ZSCAN18: variants seen among roughly 807,000 people sequenced by gnomAD.
The protein encoded by ZSCAN18 is zinc finger and SCAN domain-containing protein 18.
A neutral mutation model predicts 31.1 loss-of-function variants in ZSCAN18; 16 were observed. That is an observed-to-expected ratio of 0.51 (90% CI 0.35 to 0.78). ZSCAN18 has a LOEUF of 0.78. Among genes scored for constraint, ZSCAN18 ranks in the 30% least tolerant of loss-of-function variants. The pLI, the probability that ZSCAN18 is intolerant of heterozygous loss-of-function variation, is 0.01. For synonymous variants in ZSCAN18, 375 were observed against 320.7 expected (o/e 1.17, Z -1.81); for missense variants, 731 against 697.4 (o/e 1.05, Z -0.54).
At chr19:58,114,708 TAAAAC>T (rs1321938820) in intron 1 of ZSCAN18, among the ~76,000 whole-genome samples, 1 of 152,158 alleles carries the variant, frequency 6.6e-6, no homozygotes, top group Non-Finnish European at 1.5e-5. Context: ...TACAGGCACA[TAAAAC>T]AAATATGGCA....
rs774710516 is a variant in ZSCAN18 at position 58,084,773 on chromosome 19, C to T, written c.1445G>A (p.Arg482His). The T allele has an allele frequency of 5.1e-6, 8 of 1,573,654 alleles. No individual in the cohort carries two copies. The South Asian group carries it at 6.9e-5, about 14-fold the overall frequency. ...GGARGPQPST[R>H]EAQAGARAGG... ...CGCCCTAGCCCCCGCCTGGGCTTCG[C>T]GGGTGGACGGTTGGGGGCCCCGGGC... Residue 482 changes from arginine (R) to histidine (H), a missense_variant, in exon 7 of 7, where the codon CGC (arginine) becomes CAC (histidine). Around this residue, in one of 4 missense-constraint regions of ZSCAN18, gnomAD observed 597 missense variants for 499.5 expected, o/e 1.20. Coordinates refer to ENST00000601144, the MANE Select transcript of ZSCAN18 (RefSeq NM_001145543.2). The surrounding 1 kb of genome is among the most constrained non-coding windows in gnomAD (Gnocchi z 4.5).
chr19:58,089,955 C>T lies in ZSCAN18; in HGVS notation c.313G>A (p.Val105Ile). The change falls in exon 2 of 7, where the codon GTC becomes ATC. Residue 105 changes from valine (V) to isoleucine (I), a missense_variant. This residue lies in a region of ZSCAN18 where 46 missense variants were observed against 60.6 expected (regional missense o/e 0.76). Transcript: ENST00000601144. Reference sequence around the variant, plus strand: ...TACTGTGCCACCACCCAGGGCCGGACCTTATCAGGCAGGATGCCCAGGAAC... The same window carrying T: ...TACTGTGCCACCACCCAGGGCCGGATCTTATCAGGCAGGATGCCCAGGAAC... The part of the protein sequence containing the change: ...EQFLGILPDK[V>I]RPWVVAQYPE... The T allele has an allele frequency of 6.2e-7, 1 of 1,614,160 alleles. No individual in the cohort carries two copies. Among genetic ancestry groups the T allele is most frequent in the Non-Finnish European group, 8.5e-7 (1 of 1,180,038 alleles).
chr19:58,108,692 T>C, intron 1 of ZSCAN18: 1 of 985,466 alleles, frequency 1.0e-6, no homozygotes, highest in Non-Finnish European at 1.2e-6. Context: ...TTTCCAGAGA[T>C]ACTTCCATTG....
upstream of ZSCAN18, among the ~76,000 whole-genome samples, chr19:58,099,375 G>T (rs894711617): frequency 3.9e-5 from 6 of 152,020 alleles, no homozygotes; most frequent in Non-Finnish European, 7.4e-5. Flanking sequence ...CTTCAGATTG[G>T]CTTTTTCACT....
At position 58,090,460 on chromosome 19, in the gene ZSCAN18, A is replaced by G. The variant is rs990516001; in HGVS notation, c.-119-74T>C. The G allele has an allele frequency of 1.3e-5, 18 of 1,347,160 alleles. No homozygotes were observed. Among genetic ancestry groups the G allele is most frequent in the Middle Eastern group, 2.0e-4 (1 of 4,960 alleles). 83.5% of individuals were successfully genotyped at this position (1,347,160 alleles called of 1,614,324 possible). Reference sequence around the variant, plus strand: ...AGCCACCCCAGCTGCCAGAGAACAAAGACACCACACCCAGAGTTCACACAG... The same window carrying G: ...AGCCACCCCAGCTGCCAGAGAACAAGGACACCACACCCAGAGTTCACACAG... On this transcript the variant is annotated intron_variant, in intron 1 of 6. Transcript: ENST00000601144. This position sits in a 1 kb window ranked among gnomAD's most constrained non-coding sequence, Gnocchi z 4.7.
chr19:58,118,319 C>A, exon 1 of ZSCAN18: 1 of 1,529,862 alleles, frequency 6.5e-7, no homozygotes, highest in South Asian at 1.2e-5. Flanking sequence ...GGAAACAGAC[C>A]CGAGAGGCCG....
At chr19:58,108,183 T>C (rs2146024049) in intron 1 of ZSCAN18, 1 of 986,158 alleles carries the variant, frequency 1.0e-6, no homozygotes, top group Non-Finnish European at 1.2e-6. Context: ...ATAGGGTCTC[T>C]TTCCAATGTG....
rs1287212097 is a variant in ZSCAN18 at position 58,086,246 on chromosome 19, C to T, written c.766G>A (p.Asp256Asn). 1.9e-6 allele frequency: 3 copies of T among 1,613,840 alleles called. No individual in the cohort carries two copies. The highest frequency in any genetic ancestry group is 2.5e-6 in the Non-Finnish European group (3 of 1,179,926). ...TCAGTGTCCAGCCTGGAGGCAGCGTCAGGCTGGGAAAGCTGATACCCTGAG... is the reference window on the plus strand; with the variant it reads ...TCAGTGTCCAGCCTGGAGGCAGCGTTAGGCTGGGAAAGCTGATACCCTGAG... ...LLWGYQLSQPDAASRLDTEEL... is the reference protein window; with the variant it reads ...LLWGYQLSQPNAASRLDTEEL... The change falls in exon 6 of 7, where the codon GAC (aspartate) becomes AAC (asparagine). Residue 256 changes from aspartate to asparagine, a missense_variant. Coordinates refer to ENST00000601144, the MANE Select transcript of ZSCAN18 (RefSeq NM_001145543.2).
Position 58,084,551 on chromosome 19 carries a change from G to T in ZSCAN18, c.*134C>A. 1.1e-6 allele frequency: 1 copy of T among 898,872 alleles called. No homozygotes were observed. Among genetic ancestry groups the T allele is most frequent in the Non-Finnish European group, 1.6e-6 (1 of 638,594 alleles). 55.7% of individuals were successfully genotyped at this position (898,872 alleles called of 1,614,324 possible). A position where few individuals can be genotyped will look rare whatever the true frequency, so the allele number is the denominator to read the frequency against. On this transcript the variant is annotated 3_prime_UTR_variant, in exon 7 of 7. Coordinates refer to ENST00000601144, the MANE Select transcript of ZSCAN18 (RefSeq NM_001145543.2). This position sits in a 1 kb window ranked among gnomAD's most constrained non-coding sequence, Gnocchi z 4.5. ...TTGGGAGCGCTTAGCCTCAGGAGCG[G>T]ATTCAGGGCACAGGCAGAGGACGTC...
Position 58,084,445 on chromosome 19 carries a change from A to G in ZSCAN18, c.*240T>C. The G allele has an allele frequency of 2.3e-6, 1 of 441,174 alleles. No individual in the cohort carries two copies. 27.3% of individuals were successfully genotyped at this position (441,174 alleles called of 1,614,324 possible). ...CTGCAGGAAAGCCGAGTCTTCTTCC[A>G]CATCCGGCGGCTCCCCTCGGATGCG... On this transcript the variant is annotated 3_prime_UTR_variant, in exon 7 of 7. Coordinates refer to ENST00000601144, the MANE Select transcript of ZSCAN18 (RefSeq NM_001145543.2). This position sits in a 1 kb window ranked among gnomAD's most constrained non-coding sequence, Gnocchi z 4.5.
chr19:58,086,748 G>T, intron 5 of ZSCAN18, 158 bp downstream of exon 5: 2 of 595,548 alleles, frequency 3.4e-6, no homozygotes, highest in South Asian at 4.1e-5. Flanking sequence ...AAGGGTGGGG[G>T]CTTCAGCGAA....
chr19:58,085,261 C>CGACGGG lies in ZSCAN18; in HGVS notation c.951_956dup (p.Pro318_Ser319dup). 1 of 1,604,238 alleles carries CGACGGG rather than the reference C, an allele frequency of 6.2e-7. No homozygotes were observed. Among genetic ancestry groups the CGACGGG allele is most frequent in the South Asian group, 1.1e-5 (1 of 90,820 alleles). On this transcript the variant is annotated inframe_insertion, in exon 7 of 7. Transcript: ENST00000601144. ...GCTCTTCCTCCTCCTCAGTGGTGCCCGACGGGGGATCGGCAAGGGCGTCCC... is the reference window on the plus strand; with the variant it reads ...GCTCTTCCTCCTCCTCAGTGGTGCCCGACGGGGACGGGGGATCGGCAAGGGCGTCCC...
At chr19:58,091,991 G>A (rs902953131) in intron 1 of ZSCAN18, among the ~76,000 whole-genome samples, 3 of 152,168 alleles carry the variant, frequency 2.0e-5, no homozygotes, top group African/African-American at 7.2e-5. Context: ...AGAATATGGG[G>A]CGCAAAGACC....
At chr19:58,112,376 C>T (rs776665564) in intron 1 of ZSCAN18, among the ~76,000 whole-genome samples, 6 of 152,104 alleles carry the variant, frequency 3.9e-5, no homozygotes, top group African/African-American at 4.8e-5. Flanking sequence ...CAAGGCTGGG[C>T]GTGGTGGCTC....
Position 58,098,188 on chromosome 19 carries a change from C to T in ZSCAN18, c.-134G>A, listed in dbSNP as rs1388333240. On this transcript the variant is annotated 5_prime_UTR_variant, in exon 1 of 7. Transcript: ENST00000601144. ...GACCGACCCACCTGCTGCGCAGCTA[C>T]CCCAGGCCGGTCCCAGCCGCCCGGA... The T allele has an allele frequency of 8.1e-6, 8 of 985,406 alleles. No homozygotes were observed. The highest frequency in any genetic ancestry group is 2.4e-6 in the Non-Finnish European group (2 of 830,026). 61.0% of individuals were successfully genotyped at this position (985,406 alleles called of 1,614,324 possible).
At chr19:58,088,094 C>G (rs561524173) in intron 3 of ZSCAN18, 1 of 153,870 alleles carries the variant, frequency 6.5e-6, no homozygotes, top group Non-Finnish European at 1.4e-5. Context: ...ACACCACTTG[C>G]CCAGTGGTCC....
rs2074331731 is a variant in ZSCAN18 at position 58,088,492 on chromosome 19, C to G, written c.553+196G>C. 21 of 562,326 alleles carry G rather than the reference C, an allele frequency of 3.7e-5. No individual in the cohort carries two copies. In the East Asian group the frequency reaches 5.7e-4, roughly 15 times the overall value. 34.8% of individuals were successfully genotyped at this position (562,326 alleles called of 1,614,324 possible). A position where few individuals can be genotyped will look rare whatever the true frequency, so the allele number is the denominator to read the frequency against. The stretch of plus-strand genomic sequence containing the variant: ...ACTATTTGTGGTAAGTATGGATGAT[C>G]TGCATAATCTCTGAAGACTAATTTA... On this transcript the variant is annotated intron_variant, in intron 3 of 6. Transcript: ENST00000601144.
At chr19:58,098,452 G>A (rs889857529), upstream of ZSCAN18, 2 of 853,932 alleles carry the variant, frequency 2.3e-6, no homozygotes, top group Non-Finnish European at 1.4e-6. Context: ...GTAAATAATA[G>A]ACCCCTGACA....
intron 1 of ZSCAN18, among the ~76,000 whole-genome samples, chr19:58,106,286 C>A (rs2074633612): frequency 1.3e-5 from 2 of 152,070 alleles, no homozygotes; most frequent in Non-Finnish European, 2.9e-5. Context: ...GCTGGTAGTT[C>A]CAGCTATGTA....
Sources: gnomAD v4.1 joint callset for allele counts (sites outside exome capture counted in the v4.1 genomes callset) on GRCh38, gnomAD v4.1.1 for gene constraint, gnomAD v4.1.1 regional missense constraint, Gnocchi (gnomAD v3.1) non-coding constraint, MANE v1.5 for transcripts, NCBI Gene and HGNC (gene_info 2026-07-23, HGNC 2026-07-21) for gene names.